Variants in NEBL observed in about 807,000 individuals in gnomAD.
NEBL encodes the protein LIM and SH3 protein 2.
Under a neutral mutation model 140.2 loss-of-function variants are expected in NEBL, and 122 were observed. The ratio of observed to expected loss-of-function variants is 0.87; its 90% CI spans 0.75 to 1.01. The LOEUF (loss-of-function observed/expected upper bound fraction) is 1.01. Ranked by LOEUF, NEBL falls within the 50% of genes least tolerant of loss-of-function variation. NEBL has a pLI of 0.00. For missense variants in NEBL, 1,365 were observed against 1,231.3 expected (o/e 1.11, Z -1.62); for synonymous variants, 436 against 398.9 (o/e 1.09, Z -1.11).
chr10:20,994,857 T>G (rs1837603022), intron 3 of NEBL, among the ~76,000 whole-genome samples: 1 of 151,848 alleles, frequency 6.6e-6, no homozygotes, highest in African/African-American at 2.4e-5. Context: ...TGTCTTCATG[T>G]TGAGTGGGCT....
intron 3 of NEBL, among the ~76,000 whole-genome samples, chr10:21,004,516 C>T (rs1838039123): frequency 6.6e-6 from 1 of 152,178 alleles, no homozygotes; most frequent in Middle Eastern, 3.4e-3. Context: ...GTCAGGAGAT[C>T]GAGACCACCC....
chr10:21,030,455 T>A, intron 2 of NEBL: 1 of 708,450 alleles, frequency 1.4e-6, no homozygotes, highest in Admixed American at 1.9e-5. Context: ...AACTTCTAAA[T>A]CTACCAAAAC....
chr10:21,101,820 TACTG>T (rs2131991888), intron 2 of NEBL, among the ~76,000 whole-genome samples: 1 of 152,332 alleles, frequency 6.6e-6, no homozygotes, highest in East Asian at 1.9e-4. Context: ...ATCTACCACT[TACTG>T]AATGCATCTT....
intron 3 of NEBL, among the ~76,000 whole-genome samples, chr10:21,184,768 T>C (rs1841438480): frequency 6.6e-6 from 1 of 152,246 alleles, no homozygotes; most frequent in Admixed American, 6.5e-5. Context: ...ATGTTTCTGA[T>C]ACTTTGTTAA....
chr10:20,958,998 T>C (rs1835932350), intron 4 of NEBL, among the ~76,000 whole-genome samples: 1 of 152,110 alleles, frequency 6.6e-6, no homozygotes, highest in African/African-American at 2.4e-5. Context: ...GACATAGACA[T>C]AAGCAATCAA....
At chr10:20,900,633 A>G (rs788979), upstream of NEBL, among the ~76,000 whole-genome samples, 122,386 of 149,142 alleles carry the variant, frequency 0.82, 51,506 homozygotes, top group South Asian at 0.92. Context: ...AGACCAGCCT[A>G]GGCAACATGG....
At chr10:20,985,176 G>A (rs1837208554) in intron 3 of NEBL, among the ~76,000 whole-genome samples, 1 of 152,120 alleles carries the variant, frequency 6.6e-6, no homozygotes, top group African/African-American at 2.4e-5. Flanking sequence ...ACCATCCTGT[G>A]CCCCATCCAT....
chr10:20,806,370 T>C (rs1260782906), intron 26 of NEBL, among the ~76,000 whole-genome samples: 1 of 152,124 alleles, frequency 6.6e-6, no homozygotes, highest in Non-Finnish European at 1.5e-5. Flanking sequence ...AAACTCTAAT[T>C]GTGTGTGTGA....
At chr10:21,045,292 T>G (rs1236182572) in intron 2 of NEBL, among the ~76,000 whole-genome samples, 1 of 152,222 alleles carries the variant, frequency 6.6e-6, no homozygotes, top group Non-Finnish European at 1.5e-5. Context: ...CAAACCATAA[T>G]TCATTGGAAA....
rs183147949 is a variant in NEBL, at chr10:21,232,674, G to A, written n.348+15247C>T. On this transcript the variant is annotated intron_variant and non_coding_transcript_variant, in intron 3 of 8. Coordinates refer to the NEBL transcript ENST00000675702. The stretch of plus-strand genomic sequence containing the variant: ...AGCACTGCTGCAGATCTGATGAGGC[G>A]GAGCTCACGTGGTAATTCAAGTGAT... Among the ~76,000 whole-genome samples the A allele has an allele frequency of 3.7e-3, 565 of 152,298 alleles. 1 individual carries two copies. The highest frequency in any genetic ancestry group is 9.9e-3 in the African/African-American group (412 of 41,542).
chr10:20,809,255 C>A (rs940813768), intron 25 of NEBL, among the ~76,000 whole-genome samples: 6 of 152,102 alleles, frequency 3.9e-5, no homozygotes, highest in Admixed American at 1.3e-4. Context: ...ATCATTCGTA[C>A]CCCAACTATT....
At chr10:20,969,050 C>A (rs1836452054) in intron 3 of NEBL, among the ~76,000 whole-genome samples, 1 of 152,222 alleles carries the variant, frequency 6.6e-6, no homozygotes, top group East Asian at 1.9e-4. Context: ...GCTTAATAAC[C>A]ATTTCATGAT....
chr10:21,062,535 A>T (rs1835351710), intron 2 of NEBL, among the ~76,000 whole-genome samples: 1 of 151,912 alleles, frequency 6.6e-6, no homozygotes, highest in African/African-American at 2.4e-5. Context: ...AATAAAAATA[A>T]AATTAGCTGG....
chr10:21,109,440 G>A (rs1336189682), intron 2 of NEBL, among the ~76,000 whole-genome samples: 1 of 152,088 alleles, frequency 6.6e-6, no homozygotes, highest in Non-Finnish European at 1.5e-5. Context: ...TGTTCATCAG[G>A]GATACTGGCC....
chr10:21,170,712 G>A (rs1164761699), intron 2 of NEBL: 1 of 152,488 alleles, frequency 6.6e-6, no homozygotes, highest in Non-Finnish European at 1.5e-5. Flanking sequence ...AAAAGTTTCT[G>A]GTCTACCTGT....
chr10:21,038,202 TA>T (rs1180607354), intron 2 of NEBL, among the ~76,000 whole-genome samples: 7 of 152,322 alleles, frequency 4.6e-5, no homozygotes, highest in African/African-American at 1.7e-4. Flanking sequence ...TCCCTCCATA[TA>T]TTTTTTTTAT....
At chr10:20,814,629 C>T (rs1177846626) in intron 22 of NEBL, among the ~76,000 whole-genome samples, 1 of 151,720 alleles carries the variant, frequency 6.6e-6, no homozygotes, top group Non-Finnish European at 1.5e-5. Context: ...CACACACACA[C>T]ACACACACAC....
Position 20,879,376 on chromosome 10 carries a change from A to G in NEBL, c.480+1418T>C, listed in dbSNP as rs374242976. Among the ~76,000 whole-genome samples the G allele has an allele frequency of 5.9e-5, 9 of 152,324 alleles. No homozygotes were observed. In the East Asian group the frequency reaches 1.7e-3, roughly 29 times the overall value. ...ATTATGATTATTACAGTCATCCTTA[A>G]GCAAACAGTTCTTATAAAGCACCCC... On this transcript the variant is annotated intron_variant, in intron 5 of 27. Coordinates refer to ENST00000377122, the MANE Select transcript of NEBL (RefSeq NM_006393.3).
chr10:21,271,489 T>G (rs1156423102), intron 1 of NEBL, among the ~76,000 whole-genome samples: 1 of 152,178 alleles, frequency 6.6e-6, no homozygotes, highest in Non-Finnish European at 1.5e-5. Flanking sequence ...TAATAATGTT[T>G]GTATACTTGA....
Sources: gnomAD v4.1 joint callset for allele counts (sites outside exome capture counted in the v4.1 genomes callset) on GRCh38, gnomAD v4.1.1 for gene constraint, MANE v1.5 for transcripts, NCBI Gene and HGNC (gene_info 2026-07-23, HGNC 2026-07-21) for gene names.